Variants in SGIP1 observed in about 807,000 individuals in gnomAD.
The protein encoded by SGIP1 is SH3-containing GRB2-like protein 3-interacting protein 1.
A neutral mutation model predicts 107.5 loss-of-function variants in SGIP1; 38 were observed. That is an observed-to-expected ratio of 0.35 (90% CI 0.27 to 0.46). The LOEUF is 0.46. Among genes scored for constraint, SGIP1 ranks in the 20% least tolerant of loss-of-function variants. SGIP1 has a pLI of 1.00. For synonymous variants in SGIP1, 365 were observed against 366.1 expected (o/e 1.00, Z 0.03); for missense variants, 929 against 1,019.5 (o/e 0.91, Z 1.21).
intron 21 of SGIP1, among the ~76,000 whole-genome samples, chr1:66,736,248 CAA>C (rs2094232719): frequency 7.1e-6 from 1 of 141,682 alleles, no homozygotes; most frequent in Non-Finnish European, 1.5e-5. Flanking sequence ...AATATTTATA[CAA>C]ATATTTTAAA....
intron 1 of SGIP1, among the ~76,000 whole-genome samples, chr1:66,594,067 G>A (rs2064156841): frequency 6.6e-6 from 1 of 152,002 alleles, no homozygotes. Context: ...ACAACTTAAA[G>A]TTATAAAGTG....
intron 2 of SGIP1, among the ~76,000 whole-genome samples, chr1:66,631,897 G>A (rs2074842241): frequency 6.6e-6 from 1 of 152,070 alleles, no homozygotes; most frequent in Admixed American, 6.6e-5. Flanking sequence ...AATACGTATC[G>A]CTGTATGTTT....
intron 11 of SGIP1, among the ~76,000 whole-genome samples, chr1:66,672,215 A>T (rs945735257): frequency 1.3e-5 from 2 of 152,162 alleles, no homozygotes; most frequent in African/African-American, 4.8e-5. Context: ...TATCTGAAGT[A>T]ACTGTCTATC....
At chr1:66,694,471 C>G (rs770072657) in intron 17 of SGIP1, 1 of 1,607,724 alleles carries the variant, frequency 6.2e-7, no homozygotes, top group East Asian at 2.2e-5. Context: ...TGACAAACTG[C>G]CCTCGTTTGA....
At chr1:66,652,822 G>GCAGT (rs2149595092) in intron 7 of SGIP1, among the ~76,000 whole-genome samples, 1 of 152,286 alleles carries the variant, frequency 6.6e-6, no homozygotes, top group South Asian at 2.1e-4. Flanking sequence ...CCTGGTAGAA[G>GCAGT]CAGTGCACAG....
chr1:66,586,593 TTTATGCCCTTTAA>T (rs1223129628), intron 1 of SGIP1, among the ~76,000 whole-genome samples: 2 of 152,152 alleles, frequency 1.3e-5, no homozygotes, highest in Non-Finnish European at 2.9e-5. Context: ...CTTACTTTCC[TTTATGCCCTTTAA>T]TCCTTCCCAA....
At chr1:66,724,731 C>T (rs1461763194) in intron 19 of SGIP1, among the ~76,000 whole-genome samples, 1 of 152,182 alleles carries the variant, frequency 6.6e-6, no homozygotes, top group Non-Finnish European at 1.5e-5. Flanking sequence ...AATGCCACCT[C>T]CTCCCCTGTC....
intron 1 of SGIP1, among the ~76,000 whole-genome samples, chr1:66,538,992 A>C (rs1371755500): frequency 6.6e-6 from 1 of 152,204 alleles, no homozygotes; most frequent in East Asian, 1.9e-4. Context: ...AATTATGTTC[A>C]ATTTTACCCT....
intron 15 of SGIP1, among the ~76,000 whole-genome samples, chr1:66,683,700 C>CTTTTTTTTTTTTTT (rs869266510): frequency 0.01 from 638 of 61,394 alleles, 106 homozygotes; most frequent in East Asian, 0.04. Context: ...TGTTTCTTTT[C>CTTTTTTTTTTTTTT]TTTTTTTTTT....
At chr1:66,730,926 T>C (rs1265196879) in intron 20 of SGIP1, among the ~76,000 whole-genome samples, 3 of 152,164 alleles carry the variant, frequency 2.0e-5, no homozygotes, top group African/African-American at 7.2e-5. Flanking sequence ...CTCTGCCTCC[T>C]GGACTATCCC....
At chr1:66,718,575 G>A (rs947793623) in intron 18 of SGIP1, among the ~76,000 whole-genome samples, 23 of 152,118 alleles carry the variant, frequency 1.5e-4, no homozygotes, top group Non-Finnish European at 1.2e-4. Flanking sequence ...CAGGGCTGAT[G>A]TGGAATTTGA....
At chr1:66,551,713 G>A (rs559918253) in intron 1 of SGIP1, among the ~76,000 whole-genome samples, 2 of 152,152 alleles carry the variant, frequency 1.3e-5, no homozygotes, top group East Asian at 1.9e-4. Context: ...CTGCCCTTAG[G>A]TGTTGCCTTT....
intron 1 of SGIP1, among the ~76,000 whole-genome samples, chr1:66,537,245 A>T (rs2053846371): frequency 6.6e-6 from 1 of 152,148 alleles, no homozygotes; most frequent in Non-Finnish European, 1.5e-5. Context: ...AGTGGTTGGC[A>T]TTGAGTTGTT....
intron 15 of SGIP1, chr1:66,684,046 T>C: frequency 6.5e-7 from 1 of 1,544,606 alleles, no homozygotes; most frequent in East Asian, 2.4e-5. Flanking sequence ...AAATGCTTTT[T>C]GTACATTATT....
intron 18 of SGIP1, among the ~76,000 whole-genome samples, chr1:66,716,782 T>C (rs2093270173): frequency 6.6e-6 from 1 of 152,150 alleles, no homozygotes; most frequent in South Asian, 2.1e-4. Context: ...AAAAAGGAAT[T>C]ATGATTTTAA....
Position 66,719,358 on chromosome 1 carries a change from A to G in SGIP1, c.1695A>G (p.Ala565=). 1 of 1,613,614 alleles carries G rather than the reference A, an allele frequency of 6.2e-7. No homozygotes were observed. The highest frequency in any genetic ancestry group is 8.5e-7 in the Non-Finnish European group (1 of 1,179,720). Residue 565 remains alanine (A), a synonymous_variant, in exon 19 of 25, where the codon GCA becomes GCG. Transcript: ENST00000371037. The part of the protein sequence containing the change: ...GAQDTLPVAA[A]FTETVNAYFK... ...AGGACACTCTCCCTGTTGCAGCAGC[A>G]TTTACAGAAACAGTCAATGCCTATT...
chr1:66,694,800 T>C (rs1476360312), intron 17 of SGIP1: 1 of 327,646 alleles, frequency 3.1e-6, no homozygotes, highest in Non-Finnish European at 5.5e-6. Flanking sequence ...CTGCTCAGAA[T>C]TACATGTCCG....
chr1:66,643,576 G>T lies in SGIP1; in HGVS notation c.316G>T (p.Glu106Ter). Reference protein sequence around the residue: ...TKGKHFYSSSESEEEEESHKK... With the variant: ...TKGKHFYSSS ...AGGAAAGCACTTTTATTCTTCAAGTGAATCGGAAGAAGAAGAAGAATCACA... is the reference window on the plus strand; with the variant it reads ...AGGAAAGCACTTTTATTCTTCAAGTTAATCGGAAGAAGAAGAAGAATCACA... The change falls in exon 7 of 25, where the codon GAA becomes TAA. Residue 106 changes from glutamate (E) to a stop codon, truncating the protein, a stop_gained. Transcript: ENST00000371037. LOFTEE classifies it high-confidence loss of function. 1 of 1,609,252 alleles carries T rather than the reference G, an allele frequency of 6.2e-7. No individual in the cohort carries two copies. Among genetic ancestry groups the T allele is most frequent in the South Asian group, 1.1e-5 (1 of 90,110 alleles).
Position 66,670,976 on chromosome 1 carries a change from T to A in SGIP1, c.484-19T>A. ...ATATATGTGGTCTTAAACCTTATAG[T>A]GTCTATTTCTAATTCTAGGGTGCAA... is the stretch of plus-strand genomic sequence containing the variant. On this transcript the variant is annotated intron_variant, in intron 9 of 24. Transcript: ENST00000371037. 1 of 1,309,766 alleles carries A rather than the reference T, an allele frequency of 7.6e-7. No individual in the cohort carries two copies. Among genetic ancestry groups the A allele is most frequent in the South Asian group, 1.4e-5 (1 of 69,282 alleles). 81.1% of individuals were successfully genotyped at this position (1,309,766 alleles called of 1,614,324 possible). A position where few individuals can be genotyped will look rare whatever the true frequency, so the allele number is the denominator to read the frequency against.
Sources: gnomAD v4.1 joint callset for allele counts (sites outside exome capture counted in the v4.1 genomes callset) on GRCh38, gnomAD v4.1.1 for gene constraint, MANE v1.5 for transcripts, NCBI Gene and HGNC (gene_info 2026-07-23, HGNC 2026-07-21) for gene names.